DPP10: variants seen among roughly 807,000 people sequenced by gnomAD.
DPP10 encodes inactive dipeptidyl peptidase 10.
In DPP10, 33 loss-of-function variants were observed where a neutral mutation model predicts 120.9. That is an observed-to-expected ratio of 0.27 (90% CI 0.21 to 0.37). The LOEUF is 0.37. Among genes scored for constraint, DPP10 ranks in the 10% least tolerant of loss-of-function variants. The pLI is 1.00. For missense variants in DPP10, 816 were observed against 942.8 expected (o/e 0.87, Z 1.76); for synonymous variants, 337 against 326.1 (o/e 1.03, Z -0.36).
intron 1 of DPP10, among the ~76,000 whole-genome samples, chr2:114,481,826 A>T (rs1457244530): frequency 2.0e-5 from 3 of 151,904 alleles, no homozygotes; most frequent in Non-Finnish European, 4.4e-5. Flanking sequence ...GAAACTTATA[A>T]TCAGGCAGAA....
chr2:115,385,447 C>G (rs2066863144), intron 3 of DPP10, among the ~76,000 whole-genome samples: 1 of 151,904 alleles, frequency 6.6e-6, no homozygotes, highest in African/African-American at 2.4e-5. Context: ...CCTCTGCCTC[C>G]TGGGTTCAAA....
intron 1 of DPP10, among the ~76,000 whole-genome samples, chr2:115,094,835 G>A (rs1160419127): frequency 2.6e-5 from 4 of 152,100 alleles, no homozygotes; most frequent in Non-Finnish European, 4.4e-5. Context: ...TTTAACTTAC[G>A]AGGGTTTAAA....
chr2:115,711,847 T>C (rs1454435677), intron 7 of DPP10, among the ~76,000 whole-genome samples: 2 of 151,872 alleles, frequency 1.3e-5, no homozygotes, highest in African/African-American at 2.4e-5. Context: ...TCATTTTTAC[T>C]TAAGAAGATA....
chr2:115,462,547 CCTCTT>C (rs2074054437), intron 3 of DPP10, among the ~76,000 whole-genome samples: 1 of 152,080 alleles, frequency 6.6e-6, no homozygotes, highest in African/African-American at 2.4e-5. Context: ...AGCCTATCCA[CCTCTT>C]CAATAGCAAT....
At chr2:115,804,198 T>C (rs751845163) in intron 19 of DPP10, among the ~76,000 whole-genome samples, 1 of 152,232 alleles carries the variant, frequency 6.6e-6, no homozygotes, top group African/African-American at 2.4e-5. Context: ...CTATCGCTGA[T>C]ACCCTTTCTT....
At chr2:115,016,933 C>T (rs1238720449) in intron 1 of DPP10, among the ~76,000 whole-genome samples, 4 of 151,952 alleles carry the variant, frequency 2.6e-5, no homozygotes. Context: ...TGGAAATTAT[C>T]ATTCTCAGTA....
At chr2:114,695,831 G>T (rs534880900) in intron 1 of DPP10, among the ~76,000 whole-genome samples, 15 of 152,128 alleles carry the variant, frequency 9.9e-5, no homozygotes, top group African/African-American at 3.1e-4. Context: ...ATGCTGTGAT[G>T]CAGCCAAAGA....
intron 3 of DPP10, among the ~76,000 whole-genome samples, chr2:115,428,731 T>G (rs1308736146): frequency 6.6e-6 from 1 of 152,132 alleles, no homozygotes; most frequent in African/African-American, 2.4e-5. Flanking sequence ...AACATAAATT[T>G]AACTTCCTCA....
intron 1 of DPP10, among the ~76,000 whole-genome samples, chr2:114,766,014 G>A (rs1029509259): frequency 2.0e-5 from 3 of 152,224 alleles, no homozygotes; most frequent in African/African-American, 7.2e-5. Context: ...ACCACCATGA[G>A]TGAGTGTTTG....
intron 1 of DPP10, among the ~76,000 whole-genome samples, chr2:114,745,006 C>A (rs542243781): frequency 6.6e-6 from 1 of 152,204 alleles, no homozygotes; most frequent in African/African-American, 2.4e-5. Flanking sequence ...GTGATCTGCC[C>A]ATTTTGGCCT....
chr2:114,865,974 T>G (rs1370662078), intron 1 of DPP10, among the ~76,000 whole-genome samples: 1 of 151,954 alleles, frequency 6.6e-6, no homozygotes, highest in Non-Finnish European at 1.5e-5. Flanking sequence ...TAGCCGGGCG[T>G]GGTCGTGCAT....
At chr2:115,610,540 C>T (rs186047691) in intron 5 of DPP10, among the ~76,000 whole-genome samples, 159 of 150,356 alleles carry the variant, frequency 1.1e-3, no homozygotes, top group African/African-American at 3.6e-3. Context: ...AAGTTTAAAA[C>T]GATTTGCATT....
chr2:115,541,316 G>A (rs1194549990), intron 5 of DPP10, among the ~76,000 whole-genome samples: 1 of 151,752 alleles, frequency 6.6e-6, no homozygotes, highest in Non-Finnish European at 1.5e-5. Context: ...ACAATGTTGC[G>A]ATGATCATCC....
At position 115,828,428 on chromosome 2, in the gene DPP10, A is replaced by G. The variant is rs189111753; in HGVS notation, c.1951-7729A>G. ...GGTTAAGTGTTTTTAACAAATTTGGAAATTTTTTATTATTATTTCAAATAT... is the reference window on the plus strand; with the variant it reads ...GGTTAAGTGTTTTTAACAAATTTGGGAATTTTTTATTATTATTTCAAATAT... On this transcript the variant is annotated intron_variant, in intron 21 of 25. Coordinates refer to ENST00000410059, the MANE Select transcript of DPP10 (RefSeq NM_020868.6). 2.1e-3 allele frequency among the ~76,000 whole-genome samples: 312 copies of G among 152,172 alleles called. 1 individual carries two copies. Among genetic ancestry groups the G allele is most frequent in the African/African-American group, 7.0e-3 (289 of 41,526 alleles).
chr2:114,697,785 T>C (rs1158381542), intron 1 of DPP10, among the ~76,000 whole-genome samples: 2 of 147,946 alleles, frequency 1.4e-5, no homozygotes, highest in Non-Finnish European at 3.0e-5. Flanking sequence ...CAGAAGCACA[T>C]CAGTTATTAT....
intron 5 of DPP10, among the ~76,000 whole-genome samples, chr2:115,532,554 A>G (rs1051351414): frequency 1.3e-5 from 2 of 152,076 alleles, no homozygotes; most frequent in African/African-American, 4.8e-5. Flanking sequence ...ATGATTTTCA[A>G]TACTCAGTAC....
intron 1 of DPP10, among the ~76,000 whole-genome samples, chr2:114,853,472 C>T (rs988925075): frequency 6.6e-6 from 1 of 152,012 alleles, no homozygotes; most frequent in Non-Finnish European, 1.5e-5. Flanking sequence ...ACCGAAGACC[C>T]ACTGAAGTTC....
intron 19 of DPP10, among the ~76,000 whole-genome samples, chr2:115,797,036 A>G (rs955591777): frequency 6.6e-6 from 1 of 152,090 alleles, no homozygotes; most frequent in Non-Finnish European, 1.5e-5. Flanking sequence ...TTGAATCAGA[A>G]GAGGCTTCTC....
chr2:115,563,308 C>G (rs1314571386), intron 5 of DPP10, among the ~76,000 whole-genome samples: 1 of 152,090 alleles, frequency 6.6e-6, no homozygotes, highest in Non-Finnish European at 1.5e-5. Flanking sequence ...TCGTAAATAT[C>G]AGACTTCCGA....
Sources: allele counts gnomAD v4.1 joint callset (sites outside exome capture counted in the v4.1 genomes callset), GRCh38; gene constraint gnomAD v4.1.1; transcripts MANE v1.5; gene names NCBI Gene and HGNC (gene_info 2026-07-23, HGNC 2026-07-21).